Variants in FHIT observed in about 807,000 individuals in gnomAD.
FHIT encodes the protein fragile histidine triad diadenosine triphosphatase.
A neutral mutation model predicts 17.9 loss-of-function variants in FHIT; 19 were observed. The observed-to-expected ratio is 1.06, with a 90% CI of 0.74 to 1.56. The LOEUF is 1.56. FHIT is among the 40% of genes most tolerant of loss of function. FHIT has a pLI of 0.00. For synonymous variants in FHIT, 81 were observed against 69.7 expected (o/e 1.16, Z -0.81); for missense variants, 248 against 189.2 (o/e 1.31, Z -1.82).
At chr3:59,755,213 A>G (rs532697861) in intron 8 of FHIT, among the ~76,000 whole-genome samples, 74 of 152,304 alleles carry the variant, frequency 4.9e-4, no homozygotes, top group African/African-American at 1.7e-3. Flanking sequence ...TGCTCTGTCC[A>G]TGGGATGTCT....
chr3:60,678,367 CA>C (rs2040669945), intron 4 of FHIT, among the ~76,000 whole-genome samples: 1 of 152,132 alleles, frequency 6.6e-6, no homozygotes, highest in Non-Finnish European at 1.5e-5. Flanking sequence ...TGCTTAAATA[CA>C]ATTCTTTTTT....
At chr3:60,861,775 AC>A (rs1267999349) in intron 3 of FHIT, among the ~76,000 whole-genome samples, 2 of 152,086 alleles carry the variant, frequency 1.3e-5, no homozygotes, top group African/African-American at 4.8e-5. Context: ...AGACCAAAAA[AC>A]AAAGTAAGAA....
At chr3:60,596,640 TTC>T (rs2038279574) in intron 4 of FHIT, among the ~76,000 whole-genome samples, 1 of 152,166 alleles carries the variant, frequency 6.6e-6, no homozygotes, top group South Asian at 2.1e-4. Context: ...TGTATTCTAC[TTC>T]TCACTGGGAC....
At chr3:60,895,007 C>T (rs1705718843) in intron 3 of FHIT, among the ~76,000 whole-genome samples, 1 of 152,154 alleles carries the variant, frequency 6.6e-6, no homozygotes, top group Non-Finnish European at 1.5e-5. Context: ...ACACGTAGTC[C>T]ATATTTACTT....
At chr3:61,090,781 C>T (rs928974650) in intron 2 of FHIT, among the ~76,000 whole-genome samples, 8 of 152,260 alleles carry the variant, frequency 5.3e-5, no homozygotes, top group Non-Finnish European at 8.8e-5. Flanking sequence ...ACAAAAATAA[C>T]GTTTTTCCCC....
intron 3 of FHIT, among the ~76,000 whole-genome samples, chr3:60,839,588 G>T (rs1249966221): frequency 6.6e-6 from 1 of 151,924 alleles, no homozygotes; most frequent in African/African-American, 2.4e-5. Flanking sequence ...GACAGTGGCT[G>T]AGAAAAAAAA....
chr3:60,069,866 G>A (rs1032024606), intron 5 of FHIT, among the ~76,000 whole-genome samples: 2 of 152,128 alleles, frequency 1.3e-5, no homozygotes, highest in African/African-American at 4.8e-5. Context: ...AGAGATGGGT[G>A]ACTAAGATGC....
chr3:60,962,955 G>A (rs540124108), intron 3 of FHIT, among the ~76,000 whole-genome samples: 4 of 152,288 alleles, frequency 2.6e-5, no homozygotes, highest in Admixed American at 1.3e-4. Context: ...AAATGAGTTA[G>A]GGAGGATTTC....
At chr3:60,130,300 G>A (rs1699482612) in intron 5 of FHIT, among the ~76,000 whole-genome samples, 1 of 152,148 alleles carries the variant, frequency 6.6e-6, no homozygotes, top group Non-Finnish European at 1.5e-5. Context: ...ATTCTGAAAT[G>A]TTCACTATTA....
chr3:60,339,113 A>G (rs1285397996), intron 5 of FHIT, among the ~76,000 whole-genome samples: 1 of 152,218 alleles, frequency 6.6e-6, no homozygotes, highest in African/African-American at 2.4e-5. Flanking sequence ...TAATATATGC[A>G]ATATGTAAGT....
intron 8 of FHIT, among the ~76,000 whole-genome samples, chr3:59,780,212 C>T (rs746180365): frequency 9.2e-5 from 14 of 152,160 alleles, no homozygotes; most frequent in South Asian, 6.2e-4. Flanking sequence ...CATTGAAATG[C>T]TAAGGTGAGA....
intron 5 of FHIT, among the ~76,000 whole-genome samples, chr3:60,337,782 C>G (rs1013385831): frequency 3.9e-5 from 6 of 152,190 alleles, no homozygotes; most frequent in East Asian, 1.9e-4. Flanking sequence ...CTGGGGTTTC[C>G]ATAAAGCCCA....
chr3:60,967,985 C>T (rs1709831120), intron 3 of FHIT, among the ~76,000 whole-genome samples: 2 of 152,196 alleles, frequency 1.3e-5, no homozygotes, highest in African/African-American at 4.8e-5. Context: ...TGTGGAATTA[C>T]TTGCTTCTGA....
At chr3:59,918,644 A>C (rs1250859669) in intron 8 of FHIT, among the ~76,000 whole-genome samples, 1 of 152,198 alleles carries the variant, frequency 6.6e-6, no homozygotes, top group Non-Finnish European at 1.5e-5. Context: ...TGAGTAGCAG[A>C]GAGAAGAGGA....
intron 1 of FHIT, among the ~76,000 whole-genome samples, chr3:61,231,152 T>C (rs992878580): frequency 1.3e-5 from 2 of 149,276 alleles, no homozygotes; most frequent in Non-Finnish European, 3.0e-5. Flanking sequence ...TACTAGTTCT[T>C]ACAACTGCAT....
intron 5 of FHIT, among the ~76,000 whole-genome samples, chr3:60,458,410 A>G (rs981760015): frequency 8.3e-5 from 12 of 143,824 alleles, no homozygotes; most frequent in Non-Finnish European, 1.8e-4. Context: ...GAAAGGGAAC[A>G]TCACACACCA....
chr3:59,964,798 CTG>C (rs10576674), intron 7 of FHIT, among the ~76,000 whole-genome samples: 2,788 of 152,154 alleles, frequency 0.018, 93 homozygotes, highest in African/African-American at 0.064. Flanking sequence ...TATAATTATT[CTG>C]TGTTATTATT....
intron 2 of FHIT, among the ~76,000 whole-genome samples, chr3:61,196,626 C>T (rs1163667322): frequency 6.6e-6 from 1 of 152,106 alleles, no homozygotes; most frequent in Non-Finnish European, 1.5e-5. Flanking sequence ...AAGGAGATGA[C>T]ATCTTCACCT....
At chr3:60,605,350 G>T (rs572092412) in intron 4 of FHIT, among the ~76,000 whole-genome samples, 36 of 152,286 alleles carry the variant, frequency 2.4e-4, no homozygotes, top group African/African-American at 8.7e-4. Context: ...CAGCTCTGGT[G>T]AGAACACATC....
Sources: allele counts gnomAD v4.1 joint callset (sites outside exome capture counted in the v4.1 genomes callset), GRCh38; gene constraint gnomAD v4.1.1; transcripts MANE v1.5; gene names NCBI Gene and HGNC (gene_info 2026-07-23, HGNC 2026-07-21).